IPP: variants seen among roughly 807,000 people sequenced by gnomAD.
IPP encodes the protein intracisternal A particle-promoted polypeptide, also known as actin-binding protein IPP.
In IPP, 41 loss-of-function variants were observed where a neutral mutation model predicts 64.1. The observed-to-expected ratio is 0.64, with a 90% CI of 0.50 to 0.83. IPP has a LOEUF of 0.83. IPP is among the 40% of genes least tolerant of loss of function. The probability of loss-of-function intolerance (pLI) is 0.00; values close to 1 mark genes in which losing one functional copy is unlikely to be tolerated. For synonymous variants in IPP, 214 were observed against 235.2 expected, an observed-to-expected ratio of 0.91 and a Z score of 0.83; for missense variants, 649 against 703.0, an observed-to-expected ratio of 0.92 and a Z score of 0.87.
chr1:45,736,530 T>C (rs573122505), intron 3 of IPP, among the ~76,000 whole-genome samples: 11 of 152,198 alleles, frequency 7.2e-5, no homozygotes, highest in African/African-American at 2.6e-4. Context: ...TTGCTTATAT[T>C]TTCTCCAATA....
intron 8 of IPP, among the ~76,000 whole-genome samples, chr1:45,702,465 T>C (rs908474291): frequency 6.6e-6 from 1 of 152,184 alleles, no homozygotes; most frequent in African/African-American, 2.4e-5. Context: ...TTATTATTAT[T>C]ATCATTTGAG....
intron 3 of IPP, among the ~76,000 whole-genome samples, chr1:45,732,901 G>C (rs917053198): frequency 6.6e-6 from 1 of 152,008 alleles, no homozygotes; most frequent in South Asian, 2.1e-4. Flanking sequence ...TCCTGACCTC[G>C]TGATCTGCCT....
Position 45,699,184 on chromosome 1 carries a change from G to T in IPP, c.*782C>A. On this transcript the variant is annotated 3_prime_UTR_variant, in exon 9 of 9. Transcript: ENST00000396478. ...CAAAAACTTATCATCAAGCAAAAAG[G>T]TATCTATCTATTAAAATAGCTAGAT... is the stretch of plus-strand genomic sequence containing the variant. 1.0e-6 allele frequency: 1 copy of T among 985,274 alleles called. No homozygotes were observed. Among genetic ancestry groups the T allele is most frequent in the Non-Finnish European group, 1.2e-6 (1 of 829,872 alleles). The allele number at this position is 985,274 out of a possible 1,614,324, so 61.0% of individuals were successfully genotyped here. A position where few individuals can be genotyped will look rare whatever the true frequency, so the allele number is the denominator to read the frequency against.
downstream of IPP, among the ~76,000 whole-genome samples, chr1:45,697,687 G>A (rs1051819755): frequency 2.6e-5 from 4 of 152,124 alleles, no homozygotes; most frequent in South Asian, 2.1e-4. Flanking sequence ...GGCAGAGTGC[G>A]GTGGCTCACA....
chr1:45,746,547 A>G (rs1646137633), intron 1 of IPP, 86 bp from the exon 2 acceptor site: 1 of 610,790 alleles, frequency 1.6e-6, no homozygotes, highest in Non-Finnish European at 2.9e-6. Context: ...CTCTATACTT[A>G]AAATCTACTT....
At position 45,725,701 on chromosome 1, in the gene IPP, G is replaced by A. The variant is rs1199608338; in HGVS notation, c.1048+1930C>T. 2.8e-3 allele frequency among the ~76,000 whole-genome samples: 396 copies of A among 140,972 alleles called. 1 individual carries two copies. The highest frequency in any genetic ancestry group is 9.3e-3 in the African/African-American group (359 of 38,488). The allele number at this position is 140,972 out of a possible 152,430, so 92.5% of individuals were successfully genotyped here. On this transcript the variant is annotated intron_variant, in intron 5 of 8. Coordinates refer to ENST00000396478, the MANE Select transcript of IPP (RefSeq NM_005897.3). ...ATCGGATGGTTGCCGGGTCTGTGTG[G>A]ATAGAAGTAGACATGGGAGACTTTT...
rs751563608 is a variant in IPP at position 45,711,753 on chromosome 1, CAAAA to C, written c.1530+2489_1530+2492del. Among the ~76,000 whole-genome samples, 3 of 53,498 alleles carry C rather than the reference CAAAA, an allele frequency of 5.6e-5. No individual in the cohort carries two copies. In the Admixed American group the frequency reaches 6.4e-4, roughly 11 times the overall value. 35.1% of individuals were successfully genotyped at this position (53,498 alleles called of 152,430 possible). On this transcript the variant is annotated intron_variant, in intron 8 of 8. Transcript: ENST00000396478. ...TAGGCGTCAGAGTAAGACTCTGTCA[CAAAA>C]AAAAAAAAAAAAGTAGACTTCAGTA...
At chr1:45,728,731 C>G (rs1645866105) in intron 4 of IPP, among the ~76,000 whole-genome samples, 1 of 152,094 alleles carries the variant, frequency 6.6e-6, no homozygotes, top group Non-Finnish European at 1.5e-5. Flanking sequence ...TCTGGGCTCA[C>G]ACCATCCTCC....
intron 8 of IPP, among the ~76,000 whole-genome samples, chr1:45,701,533 C>A (rs191860037): frequency 6.6e-6 from 1 of 152,134 alleles, no homozygotes; most frequent in African/African-American, 2.4e-5. Context: ...GTGATCCACC[C>A]GCCTTGGCCT....
intron 7 of IPP, among the ~76,000 whole-genome samples, chr1:45,715,120 G>C (rs1645639975): frequency 6.7e-6 from 1 of 150,150 alleles, no homozygotes; most frequent in African/African-American, 2.5e-5. Flanking sequence ...GCTTGAGCGT[G>C]GGAGGCAGAG....
chr1:45,712,579 G>A (rs1164456327), intron 8 of IPP, among the ~76,000 whole-genome samples: 6 of 151,356 alleles, frequency 4.0e-5, no homozygotes, highest in African/African-American at 1.2e-4. Context: ...AAAAAAGGCC[G>A]GGCACGGTGG....
intron 5 of IPP, among the ~76,000 whole-genome samples, chr1:45,722,877 C>T (rs1321493979): frequency 6.6e-6 from 1 of 152,146 alleles, no homozygotes; most frequent in Non-Finnish European, 1.5e-5. Context: ...AGAAGTCAGA[C>T]ACAATATTAT....
At chr1:45,722,210 A>G (rs994614977) in intron 5 of IPP, among the ~76,000 whole-genome samples, 7 of 151,538 alleles carry the variant, frequency 4.6e-5, no homozygotes, top group Admixed American at 4.6e-4. Flanking sequence ...GCCGAGACTG[A>G]GCCACTGCCC....
intron 7 of IPP, among the ~76,000 whole-genome samples, chr1:45,715,753 T>A (rs1645650110): frequency 6.6e-6 from 1 of 152,196 alleles, no homozygotes; most frequent in Admixed American, 6.5e-5. Flanking sequence ...TTCCTGATCT[T>A]CAGCTTCCTC....
chr1:45,724,846 G>A (rs1299392356), intron 5 of IPP, among the ~76,000 whole-genome samples: 5 of 151,394 alleles, frequency 3.3e-5, no homozygotes, highest in African/African-American at 9.7e-5. Context: ...TGGGAAGTGA[G>A]GAGCGTCTCC....
At chr1:45,748,091 TGA>T (rs1465709739) in intron 1 of IPP, among the ~76,000 whole-genome samples, 1 of 152,052 alleles carries the variant, frequency 6.6e-6, no homozygotes, top group East Asian at 1.9e-4. Flanking sequence ...GAAATTTGAT[TGA>T]GAGATTCGAA....
At chr1:45,721,169 T>C (rs1475574012) in intron 5 of IPP, among the ~76,000 whole-genome samples, 1 of 152,196 alleles carries the variant, frequency 6.6e-6, no homozygotes, top group African/African-American at 2.4e-5. Context: ...TAAAAATGCC[T>C]GTCCTTAGAA....
chr1:45,708,238 G>A (rs960451971), intron 8 of IPP, among the ~76,000 whole-genome samples: 2 of 151,416 alleles, frequency 1.3e-5, no homozygotes, highest in Non-Finnish European at 3.0e-5. Context: ...CTCATTTTTT[G>A]TACTTTTAGC....
intron 8 of IPP, among the ~76,000 whole-genome samples, chr1:45,712,627 G>A (rs1244743619): frequency 6.6e-6 from 1 of 151,826 alleles, no homozygotes; most frequent in Non-Finnish European, 1.5e-5. Flanking sequence ...GGAGGCCGAG[G>A]CAGGAAGATC....
Sources: gnomAD v4.1 joint callset for allele counts (sites outside exome capture counted in the v4.1 genomes callset) on GRCh38, gnomAD v4.1.1 for gene constraint, MANE v1.5 for transcripts, NCBI Gene and HGNC (gene_info 2026-07-23, HGNC 2026-07-21) for gene names.